STAG2: variants seen among roughly 807,000 people sequenced by gnomAD.
STAG2 encodes the protein cohesin subunit SA-2.
In STAG2, 14 loss-of-function variants were observed where a neutral mutation model predicts 108.1. That is an observed-to-expected ratio of 0.13 (90% CI 0.09 to 0.20). The LOEUF (loss-of-function observed/expected upper bound fraction) is 0.20, where lower values mean the gene tolerates loss of function less well. Ranked by LOEUF, STAG2 falls within the 10% of genes least tolerant of loss-of-function variation. The pLI is 1.00. For synonymous variants in STAG2, 307 were observed against 302.7 expected (o/e 1.01, Z -0.15); for missense variants, 440 against 940.9 (o/e 0.47, Z 6.96).
intron 2 of STAG2, 106 bp from the exon 3 acceptor site, chrX:124,022,425 C>A: frequency 9.4e-6 from 3 of 319,470 alleles, no homozygotes; most frequent in Non-Finnish European, 1.7e-5. Flanking sequence ...TCCTTATTTA[C>A]TAAAACACAT....
intron 26 of STAG2, among the ~76,000 whole-genome samples, chrX:124,076,941 G>T (rs1168880697): frequency 9.1e-6 from 1 of 110,491 alleles, no homozygotes; most frequent in East Asian, 2.8e-4. Context: ...AGTCTGATTT[G>T]ATTAACCATA....
intron 1 of STAG2, among the ~76,000 whole-genome samples, chrX:124,002,004 G>T (rs779798098): frequency 1.8e-5 from 2 of 112,060 alleles, no homozygotes; most frequent in East Asian, 5.6e-4. Context: ...CAGGAGTATC[G>T]CTTGAGGCTA....
intron 11 of STAG2, among the ~76,000 whole-genome samples, chrX:124,050,556 T>C (rs904132181): frequency 9.0e-6 from 1 of 111,457 alleles, no homozygotes; most frequent in African/African-American, 3.3e-5. Flanking sequence ...ATTACAGTCA[T>C]GAAGGTAGTA....
chrX:123,973,001 A>G (rs2054439913), intron 1 of STAG2, among the ~76,000 whole-genome samples: 1 of 106,897 alleles, frequency 9.4e-6, no homozygotes, highest in South Asian at 4.3e-4. Flanking sequence ...GTGAGCTGAG[A>G]TTGTGACATT....
chrX:123,962,963 C>A (rs764261398), intron 1 of STAG2, among the ~76,000 whole-genome samples: 1 of 112,277 alleles, frequency 8.9e-6, no homozygotes, highest in South Asian at 3.7e-4. Flanking sequence ...ATGGGACTTG[C>A]TTAAGCACGA....
rs1402462541 is a variant in STAG2, at chrX:124,101,934, T to G, written c.*1337T>G. 1 of 160,759 alleles carries G rather than the reference T, an allele frequency of 6.2e-6. No homozygotes were observed. Among genetic ancestry groups the G allele is most frequent in the African/African-American group, 3.0e-5 (1 of 33,340 alleles). 13.2% of individuals were successfully genotyped at this position (160,759 alleles called of 1,213,427 possible). A position where few individuals can be genotyped will look rare whatever the true frequency, so the allele number is the denominator to read the frequency against. On this transcript the variant is annotated 3_prime_UTR_variant, in exon 35 of 35. Transcript: ENST00000371145. ...GTTTAAAACAAAATATTAACTTATATTACATGTGTATCTATCTATTGTCAG... is the reference window on the plus strand; with the variant it reads ...GTTTAAAACAAAATATTAACTTATAGTACATGTGTATCTATCTATTGTCAG...
chrX:124,026,905 T>G (rs1226942048), intron 4 of STAG2, among the ~76,000 whole-genome samples: 1 of 111,567 alleles, frequency 9.0e-6, no homozygotes, highest in African/African-American at 3.3e-5. Flanking sequence ...TTTGTTTTTT[T>G]GGAGATGGGG....
intron 4 of STAG2, among the ~76,000 whole-genome samples, chrX:124,029,657 A>AG (rs1305086337): frequency 8.9e-6 from 1 of 112,351 alleles, no homozygotes; most frequent in African/African-American, 3.2e-5. Context: ...TGTGCTACAG[A>AG]GACTGTATGT....
At chrX:123,975,732 G>A (rs2054589296) in intron 1 of STAG2, among the ~76,000 whole-genome samples, 1 of 112,217 alleles carries the variant, frequency 8.9e-6, no homozygotes, top group African/African-American at 3.2e-5. Context: ...CCAAAGTGCT[G>A]GGATTACAGG....
At position 124,066,334 on chromosome X, in the gene STAG2, T is replaced by C. The variant is rs377263638; in HGVS notation, c.2185-22T>C. On this transcript the variant is annotated intron_variant, in intron 22 of 34. Coordinates refer to ENST00000371145, the MANE Select transcript of STAG2 (RefSeq NM_001042750.2). ...TCTTGTGACTTTTAAATTTTAACTG[T>C]ATCCTTTGATTCTTTTTACAGATTG... The C allele has an allele frequency of 1.1e-5, 13 of 1,191,753 alleles. No individual in the cohort carries two copies. The African/African-American group carries it at 1.6e-4, about 15-fold the overall frequency.
Position 124,098,069 on chromosome X carries a change from CTA to C in STAG2, c.3784-2503_3784-2502del, listed in dbSNP as rs112715809. On this transcript the variant is annotated intron_variant, in intron 34 of 34. Coordinates refer to ENST00000371145, the MANE Select transcript of STAG2 (RefSeq NM_001042750.2). ...TAAAATAATGAAACAGCAATATTAA[CTA>C]TGTGTATCTATTTTTGACATTTAAC... 8.5e-3 allele frequency among the ~76,000 whole-genome samples: 931 copies of C among 109,327 alleles called. 9 individuals carry two copies. Among genetic ancestry groups the C allele is most frequent in the African/African-American group, 0.028 (856 of 30,041 alleles). 94.9% of individuals were successfully genotyped at this position (109,327 alleles called of 115,157 possible).
At chrX:124,022,248 G>A (rs1273138760) in intron 2 of STAG2, among the ~76,000 whole-genome samples, 2 of 110,348 alleles carry the variant, frequency 1.8e-5, no homozygotes, top group Admixed American at 9.7e-5. Context: ...GCCCGCGCCT[G>A]TAATCTCAGC....
chrX:123,969,720 A>G (rs1358114961), intron 1 of STAG2, among the ~76,000 whole-genome samples: 1 of 108,912 alleles, frequency 9.2e-6, no homozygotes, highest in Middle Eastern at 4.2e-3. Context: ...TGATTGGCTC[A>G]CTGCAACCTC....
chrX:124,079,322 G>A (rs1208899781), intron 27 of STAG2, among the ~76,000 whole-genome samples: 1 of 110,174 alleles, frequency 9.1e-6, no homozygotes, highest in African/African-American at 3.3e-5. Flanking sequence ...TGTATTTTTA[G>A]TAGAGACGGG....
At chrX:124,071,076 T>C (rs1283285079) in intron 24 of STAG2, 73 bp from the exon 25 acceptor site, 61 of 819,614 alleles carry the variant, frequency 7.4e-5, no homozygotes, top group Non-Finnish European at 9.7e-5. Context: ...GTTAAATATG[T>C]AAATTATTTG....
At chrX:124,034,021 A>G (rs2057429620) in intron 5 of STAG2, among the ~76,000 whole-genome samples, 1 of 111,424 alleles carries the variant, frequency 9.0e-6, no homozygotes, top group South Asian at 3.8e-4. Flanking sequence ...AACATTGACT[A>G]CAGTTCAACA....
At chrX:124,024,346 C>T (rs1021306399) in intron 3 of STAG2, among the ~76,000 whole-genome samples, 1 of 111,026 alleles carries the variant, frequency 9.0e-6, no homozygotes, top group African/African-American at 3.3e-5. Context: ...ATAAATATTA[C>T]TTATACATCA....
intron 1 of STAG2, among the ~76,000 whole-genome samples, chrX:123,979,291 T>C (rs1336495088): frequency 9.0e-6 from 1 of 111,235 alleles, no homozygotes; most frequent in Non-Finnish European, 1.9e-5. Context: ...TGCTTAATAT[T>C]ACCATCAAAC....
Position 124,037,858 on chromosome X carries a change from A to G in STAG2, c.385+235A>G, listed in dbSNP as rs5956603. 3.5e-3 allele frequency among the ~76,000 whole-genome samples: 395 copies of G among 112,594 alleles called. 1 individual carries two copies. Among genetic ancestry groups the G allele is most frequent in the African/African-American group, 0.012 (365 of 31,039 alleles). On this transcript the variant is annotated intron_variant, in intron 6 of 34. Transcript: ENST00000371145. ...AAAAACTTAGCAGTTTATAATTATT[A>G]TGTTACTTTTATTAGATATATTTCC...
Sources: gnomAD v4.1 joint callset for allele counts (sites outside exome capture counted in the v4.1 genomes callset) on GRCh38, gnomAD v4.1.1 for gene constraint, MANE v1.5 for transcripts, NCBI Gene and HGNC (gene_info 2026-07-23, HGNC 2026-07-21) for gene names.